Variants in MMP16 observed in about 807,000 individuals in gnomAD.
The protein encoded by MMP16 is matrix metallopeptidase 16.
A neutral mutation model predicts 67.8 loss-of-function variants in MMP16; 12 were observed. The ratio of observed to expected loss-of-function variants is 0.18; its 90% CI spans 0.11 to 0.29. The LOEUF is 0.29. Among genes scored for constraint, MMP16 ranks in the 10% least tolerant of loss-of-function variants. MMP16 has a pLI of 1.00. For missense variants in MMP16, 475 were observed against 765.7 expected (o/e 0.62, Z 4.48); for synonymous variants, 249 against 255.9 (o/e 0.97, Z 0.26).
intron 6 of MMP16, among the ~76,000 whole-genome samples, chr8:88,081,070 T>C (rs2664352): frequency 0.5 from 75,350 of 151,742 alleles, 18,990 homozygotes; most frequent in East Asian, 0.58. Context: ...GGCAGTCTCA[T>C]AGGTGAGTGG....
intron 1 of MMP16, among the ~76,000 whole-genome samples, chr8:88,294,050 C>T (rs1738232403): frequency 6.6e-6 from 1 of 152,022 alleles, no homozygotes; most frequent in South Asian, 2.1e-4. Context: ...GTTACTGAAA[C>T]TTGATATGTG....
chr8:88,218,293 C>G (rs1809625384), intron 1 of MMP16, among the ~76,000 whole-genome samples: 1 of 151,900 alleles, frequency 6.6e-6, no homozygotes, highest in African/African-American at 2.4e-5. Context: ...AAGCAAATCT[C>G]AATGACCTAA....
At chr8:88,117,484 T>C (rs1809455563) in intron 5 of MMP16, among the ~76,000 whole-genome samples, 1 of 152,116 alleles carries the variant, frequency 6.6e-6, no homozygotes, top group South Asian at 2.1e-4. Context: ...GGGAAGAATA[T>C]TCTTTTGCAG....
At chr8:88,116,938 G>C (rs1175897770) in intron 5 of MMP16, among the ~76,000 whole-genome samples, 1 of 152,068 alleles carries the variant, frequency 6.6e-6, no homozygotes, top group Non-Finnish European at 1.5e-5. Flanking sequence ...TCTGGATCCA[G>C]GTAGCTAGGT....
At chr8:88,244,609 G>C (rs1810082356) in intron 1 of MMP16, among the ~76,000 whole-genome samples, 2 of 152,090 alleles carry the variant, frequency 1.3e-5, no homozygotes, top group African/African-American at 4.8e-5. Flanking sequence ...CCTGATCATA[G>C]TCCTATCCTA....
intron 1 of MMP16, among the ~76,000 whole-genome samples, chr8:88,292,140 T>G (rs984057887): frequency 5.9e-5 from 9 of 152,350 alleles, no homozygotes; most frequent in Middle Eastern, 6.8e-3. Context: ...AAAAAAGAAC[T>G]ATTCTAGAAG....
At chr8:88,194,764 C>T (rs781445624) in intron 2 of MMP16, among the ~76,000 whole-genome samples, 1 of 151,918 alleles carries the variant, frequency 6.6e-6, no homozygotes, top group Admixed American at 6.6e-5. Context: ...AGGTGTAATA[C>T]TCTGAAGAGA....
chr8:88,303,848 G>A (rs1811171489), intron 1 of MMP16, among the ~76,000 whole-genome samples: 1 of 152,212 alleles, frequency 6.6e-6, no homozygotes, highest in Non-Finnish European at 1.5e-5. Context: ...CCACAAAGAT[G>A]AGAAAGAATC....
chr8:88,220,783 A>C (rs978628941), intron 1 of MMP16, among the ~76,000 whole-genome samples: 1 of 152,244 alleles, frequency 6.6e-6, no homozygotes, highest in East Asian at 1.9e-4. Context: ...TGTTCCACCC[A>C]AACTATTGTC....
At chr8:88,148,520 C>T (rs1390778986) in intron 4 of MMP16, among the ~76,000 whole-genome samples, 1 of 152,164 alleles carries the variant, frequency 6.6e-6, no homozygotes, top group Non-Finnish European at 1.5e-5. Flanking sequence ...ATTTTGTCCA[C>T]ATCCAAGTGC....
chr8:88,108,767 A>G (rs1254670365), intron 6 of MMP16, among the ~76,000 whole-genome samples: 1 of 151,416 alleles, frequency 6.6e-6, no homozygotes, highest in African/African-American at 2.4e-5. Context: ...GATTGGAATA[A>G]TTTTTGCTTT....
chr8:88,153,559 C>A (rs1808450669), intron 4 of MMP16, among the ~76,000 whole-genome samples: 1 of 152,166 alleles, frequency 6.6e-6, no homozygotes, highest in South Asian at 2.1e-4. Flanking sequence ...AGAAATAACA[C>A]CGCACACCTA....
intron 1 of MMP16, among the ~76,000 whole-genome samples, chr8:88,210,197 T>C (rs6469298): frequency 0.81 from 123,231 of 152,146 alleles, 50,086 homozygotes; most frequent in East Asian, 0.97. Context: ...GCAGCCTGAA[T>C]TGAGTAAGAC....
intron 1 of MMP16, among the ~76,000 whole-genome samples, chr8:88,302,304 C>A (rs924100237): frequency 6.6e-6 from 1 of 152,208 alleles, no homozygotes; most frequent in Non-Finnish European, 1.5e-5. Flanking sequence ...TTTCTCACCT[C>A]TTGAGGAAAA....
intron 6 of MMP16, among the ~76,000 whole-genome samples, chr8:88,083,368 G>A (rs1299588287): frequency 1.3e-5 from 2 of 151,938 alleles, no homozygotes; most frequent in East Asian, 3.9e-4. Context: ...GTTGAGTCTG[G>A]GCTCAAGATA....
intron 1 of MMP16, among the ~76,000 whole-genome samples, chr8:88,292,594 G>A (rs1332539125): frequency 1.3e-5 from 2 of 152,104 alleles, no homozygotes; most frequent in South Asian, 2.1e-4. Flanking sequence ...CATATGATTG[G>A]GAGAAGCAAA....
At chr8:88,249,769 C>T (rs1375869416) in intron 1 of MMP16, among the ~76,000 whole-genome samples, 2 of 151,996 alleles carry the variant, frequency 1.3e-5, no homozygotes, top group Non-Finnish European at 2.9e-5. Context: ...ATCAAGACTG[C>T]AAGGGTAGAG....
At chr8:88,175,458 G>A (rs1022660278) in intron 3 of MMP16, among the ~76,000 whole-genome samples, 1 of 152,076 alleles carries the variant, frequency 6.6e-6, no homozygotes, top group Admixed American at 6.6e-5. Flanking sequence ...CGATACACTA[G>A]GCAATTTCTT....
Position 88,278,013 on chromosome 8 carries a change from G to A in MMP16, c.132+49062C>T, listed in dbSNP as rs561050359. ...CATCTTCGATGAGTAAGGCTCTAATGCTAGTTACATGTGTCTGAAACTCTA... is the reference window on the plus strand; with the variant it reads ...CATCTTCGATGAGTAAGGCTCTAATACTAGTTACATGTGTCTGAAACTCTA... On this transcript the variant is annotated intron_variant, in intron 1 of 9. Transcript: ENST00000286614. Among the ~76,000 whole-genome samples the A allele has an allele frequency of 2.0e-5, 3 of 152,276 alleles. No homozygotes were observed. The South Asian group carries it at 6.2e-4, about 32-fold the overall frequency.
Sources: allele counts gnomAD v4.1 joint callset (sites outside exome capture counted in the v4.1 genomes callset), GRCh38; gene constraint gnomAD v4.1.1; transcripts MANE v1.5; gene names NCBI Gene and HGNC (gene_info 2026-07-23, HGNC 2026-07-21).